MTM1: variants seen among roughly 807,000 people sequenced by gnomAD.
The protein encoded by MTM1 is myotubularin 1.
Under a neutral mutation model 52.1 loss-of-function variants are expected in MTM1, and 9 were observed. That is an observed-to-expected ratio of 0.17 (90% confidence interval 0.10 to 0.30). The LOEUF (loss-of-function observed/expected upper bound fraction) is 0.30. Among genes scored for constraint, MTM1 ranks in the 10% least tolerant of loss-of-function variants. The probability of loss-of-function intolerance (pLI) is 1.00; values close to 1 mark genes in which losing one functional copy is unlikely to be tolerated. For synonymous variants in MTM1, 136 were observed against 163.8 expected, an observed-to-expected ratio of 0.83 and a Z score of 1.29; for missense variants, 277 against 470.7, an observed-to-expected ratio of 0.59 and a Z score of 3.81.
intron 6 of MTM1, among the ~76,000 whole-genome samples, chrX:150,621,788 G>C (rs185794865): frequency 3.6e-5 from 4 of 111,504 alleles, no homozygotes; most frequent in African/African-American, 1.3e-4. Context: ...TCCTCTATCA[G>C]AGCACTTATC....
At chrX:150,590,758 G>A (rs1165448411) in intron 1 of MTM1, among the ~76,000 whole-genome samples, 2 of 111,931 alleles carry the variant, frequency 1.8e-5, no homozygotes, top group Non-Finnish European at 3.8e-5. Flanking sequence ...TGAGTTGACT[G>A]TACAACCAGG....
intron 1 of MTM1, among the ~76,000 whole-genome samples, chrX:150,569,977 G>C (rs781980078): frequency 8.9e-6 from 1 of 112,190 alleles, no homozygotes; most frequent in African/African-American, 3.2e-5. Flanking sequence ...CAGTGGTGCT[G>C]CCTGCAGCAC....
intron 1 of MTM1, among the ~76,000 whole-genome samples, chrX:150,579,270 T>C (rs1254177327): frequency 9.1e-6 from 1 of 110,495 alleles, no homozygotes; most frequent in African/African-American, 3.3e-5. Flanking sequence ...GTCAGGCTGG[T>C]CTTGAACTCC....
chrX:150,625,777 T>C (rs1176536210), intron 6 of MTM1, among the ~76,000 whole-genome samples: 2 of 112,558 alleles, frequency 1.8e-5, no homozygotes, highest in African/African-American at 6.5e-5. Context: ...AGCAGTCATA[T>C]AGTTGCGAAA....
chrX:150,575,030 C>T (rs1385499483), intron 1 of MTM1, among the ~76,000 whole-genome samples: 1 of 112,259 alleles, frequency 8.9e-6, no homozygotes, highest in Non-Finnish European at 1.9e-5. Flanking sequence ...TTGCAGCCTC[C>T]GCTGCAACTT....
At chrX:150,566,466 A>G (rs1389855339), upstream of MTM1, among the ~76,000 whole-genome samples, 1 of 111,587 alleles carries the variant, frequency 9.0e-6, no homozygotes, top group African/African-American at 3.3e-5. Context: ...CAGTTTTCAA[A>G]GTGCTTCCTC....
At position 150,581,267 on chromosome X, in the gene MTM1, T is replaced by C. The variant is rs188661272; in HGVS notation, c.-10-11338T>C. Reference sequence around the variant, plus strand: ...AGTTTCAAAAGAATAATTCAAAGAATACTTTGAACAGTGGCCACATTGCTG... The same window carrying C: ...AGTTTCAAAAGAATAATTCAAAGAACACTTTGAACAGTGGCCACATTGCTG... On this transcript the variant is annotated intron_variant, in intron 1 of 14. Transcript: ENST00000370396. 6.3e-5 allele frequency among the ~76,000 whole-genome samples: 7 copies of C among 111,877 alleles called. No individual in the cohort carries two copies. The Admixed American group carries it at 6.7e-4, about 11-fold the overall frequency.
At chrX:150,621,043 G>A (rs782242881) in intron 6 of MTM1, among the ~76,000 whole-genome samples, 5 of 103,734 alleles carry the variant, frequency 4.8e-5, no homozygotes, top group South Asian at 4.7e-4. Context: ...GCTTGAACCC[G>A]GGAGGCAGAG....
chrX:150,637,300 T>A (rs1389218451), intron 6 of MTM1, among the ~76,000 whole-genome samples: 1 of 111,808 alleles, frequency 8.9e-6, no homozygotes, highest in Non-Finnish European at 1.9e-5. Context: ...AAGTGATTAG[T>A]CTGATGACAG....
chrX:150,607,099 C>T (rs1020662637), intron 4 of MTM1, among the ~76,000 whole-genome samples: 34 of 108,054 alleles, frequency 3.1e-4, no homozygotes, highest in Non-Finnish European at 5.2e-4. Context: ...GAGATTCTCC[C>T]GCCTCAGCTT....
At chrX:150,591,105 T>C in intron 1 of MTM1, 2 of 618,133 alleles carry the variant, frequency 3.2e-6, no homozygotes, top group East Asian at 1.6e-4. Flanking sequence ...TTTAGTGTTA[T>C]TCATTAATCT....
intron 4 of MTM1, among the ~76,000 whole-genome samples, chrX:150,608,898 C>T (rs1390692810): frequency 9.1e-6 from 1 of 109,369 alleles, no homozygotes; most frequent in Non-Finnish European, 1.9e-5. Flanking sequence ...GGTGTGATCT[C>T]GGCTCACTGC....
chrX:150,663,608 A>G lies in MTM1; in HGVS notation c.1643A>G (p.Gln548Arg). The change falls in exon 14 of 15, where the codon CAA becomes CGA. Residue 548 changes from glutamine to arginine, a missense_variant and splice_region_variant. Transcript: ENST00000370396. ...AGATGGAACCCCAGGATCAAGCAACAAGTAAGTGAAGTAGCACTGTTAAAA... is the reference window on the plus strand; with the variant it reads ...AGATGGAACCCCAGGATCAAGCAACGAGTAAGTGAAGTAGCACTGTTAAAA... ...YIRWNPRIKQ[Q>R]QPNPVEQRYM... is the part of the protein sequence containing the mutation. 1 of 1,198,520 alleles carries G rather than the reference A, an allele frequency of 8.3e-7. No individual in the cohort carries two copies. The highest frequency in any genetic ancestry group is 1.8e-5 in the South Asian group (1 of 56,675).
chrX:150,563,188 C>G, the MTM1 span, among the ~76,000 whole-genome samples: 24 of 110,235 alleles, frequency 2.2e-4, no homozygotes, highest in African/African-American at 7.6e-4. Context: ...GACCCCAGTC[C>G]TCTTAGAAAA....
chrX:150,663,661 A>T, intron 14 of MTM1, 52 bp downstream of exon 14: 1 of 1,093,596 alleles, frequency 9.1e-7, no homozygotes, highest in Non-Finnish European at 1.3e-6. Context: ...CTTGCCTTAG[A>T]TAATGTTATT....
At chrX:150,583,839 A>T (rs1343878785) in intron 1 of MTM1, among the ~76,000 whole-genome samples, 2 of 51,701 alleles carry the variant, frequency 3.9e-5, no homozygotes, top group African/African-American at 1.4e-4. Context: ...ATATATATAA[A>T]TATATATCAA....
intron 4 of MTM1, among the ~76,000 whole-genome samples, chrX:150,606,551 C>T: frequency 8.9e-6 from 1 of 111,793 alleles, no homozygotes; most frequent in Admixed American, 9.4e-5. Context: ...CTAACCTCAT[C>T]TCTTGTTCTG....
chrX:150,588,389 C>A (rs184296211), intron 1 of MTM1, among the ~76,000 whole-genome samples: 1 of 111,983 alleles, frequency 8.9e-6, no homozygotes, highest in East Asian at 2.8e-4. Context: ...TAGAGCTCTC[C>A]GTGGTGTTTA....
chrX:150,580,549 G>A (rs2038562682), intron 1 of MTM1, among the ~76,000 whole-genome samples: 1 of 107,270 alleles, frequency 9.3e-6, no homozygotes, highest in African/African-American at 3.4e-5. Context: ...TTTTTTTCAG[G>A]TTATTTCTGC....
Sources: allele counts gnomAD v4.1 joint callset (sites outside exome capture counted in the v4.1 genomes callset), GRCh38; gene constraint gnomAD v4.1.1; transcripts MANE v1.5; gene names NCBI Gene and HGNC (gene_info 2026-07-23, HGNC 2026-07-21).